CUX1: variants seen among roughly 807,000 people sequenced by gnomAD.
The protein encoded by CUX1 is cut like homeobox 1, also known as protein CASP.
A neutral mutation model predicts 158.8 loss-of-function variants in CUX1; 31 were observed. The observed-to-expected ratio is 0.20, with a 90% CI of 0.15 to 0.26. The LOEUF (loss-of-function observed/expected upper bound fraction) is 0.26. CUX1 is among the 10% of genes least tolerant of loss of function. The pLI is 1.00. For missense variants in CUX1, 1,589 were observed against 2,014.6 expected (o/e 0.79, Z 4.04); for synonymous variants, 879 against 862.1 (o/e 1.02, Z -0.34).
chr7:101,870,921 A>G (rs1182998127), intron 1 of CUX1, among the ~76,000 whole-genome samples: 1 of 152,208 alleles, frequency 6.6e-6, no homozygotes, highest in Admixed American at 6.5e-5. Flanking sequence ...TTCCACGCAC[A>G]TGTCAGTTTC....
chr7:101,931,414 A>G (rs1344154538), intron 2 of CUX1, among the ~76,000 whole-genome samples: 1 of 152,204 alleles, frequency 6.6e-6, no homozygotes, highest in African/African-American at 2.4e-5. Flanking sequence ...CTGCATATCC[A>G]GTACTATTCT....
exon 21 of CUX1, chr7:102,281,841 G>A: frequency 6.2e-7 from 1 of 1,611,258 alleles, no homozygotes; most frequent in Non-Finnish European, 8.5e-7. Flanking sequence ...TGCTCCCAGG[G>A]GCGTCTGGTT....
At chr7:101,838,216 G>A (rs904071073) in intron 1 of CUX1, among the ~76,000 whole-genome samples, 1 of 150,652 alleles carries the variant, frequency 6.6e-6, no homozygotes, top group African/African-American at 2.4e-5. Context: ...TGCAACCTAC[G>A]CCTCCTGGAT....
chr7:102,179,580 C>T (rs782130688), intron 11 of CUX1, among the ~76,000 whole-genome samples: 26 of 152,242 alleles, frequency 1.7e-4, no homozygotes, highest in Admixed American at 8.5e-4. Flanking sequence ...GCACTCTTGG[C>T]TTTTCCATAA....
intron 3 of CUX1, among the ~76,000 whole-genome samples, chr7:102,036,116 G>A (rs1177386839): frequency 6.6e-6 from 1 of 151,970 alleles, no homozygotes; most frequent in Non-Finnish European, 1.5e-5. Flanking sequence ...ACAGGCGCCT[G>A]CCACCACACC....
At chr7:101,972,221 C>T (rs777113203) in intron 2 of CUX1, among the ~76,000 whole-genome samples, 9 of 152,236 alleles carry the variant, frequency 5.9e-5, no homozygotes, top group Non-Finnish European at 1.0e-4. Flanking sequence ...CTGCCTCCGC[C>T]TCCCAAAGTG....
intron 15 of CUX1, chr7:102,274,205 G>C (rs1315744664): frequency 6.3e-7 from 1 of 1,587,382 alleles, no homozygotes; most frequent in African/African-American, 1.3e-5. Flanking sequence ...CGTGCCCATT[G>C]TGCGGAGGCA....
intron 13 of CUX1, among the ~76,000 whole-genome samples, chr7:102,195,206 A>C (rs1794666371): frequency 6.6e-6 from 1 of 151,998 alleles, no homozygotes; most frequent in Non-Finnish European, 1.5e-5. Context: ...CAAATGAGGC[A>C]CGGGCTCAGG....
At chr7:101,975,425 C>T (rs1337915356) in intron 2 of CUX1, among the ~76,000 whole-genome samples, 5 of 151,768 alleles carry the variant, frequency 3.3e-5, no homozygotes. Context: ...GGCATGGTGG[C>T]ATGTGCTTGT....
At chr7:102,151,753 A>C (rs924076983) in intron 8 of CUX1, among the ~76,000 whole-genome samples, 8 of 149,204 alleles carry the variant, frequency 5.4e-5, no homozygotes, top group East Asian at 3.9e-4. Flanking sequence ...AAAAAAAAAA[A>C]AAAAACCTGG....
Position 102,255,987 on chromosome 7 carries a change from G to A in CUX1, c.*6945G>A, listed in dbSNP as rs1348514831. The stretch of plus-strand genomic sequence containing the variant: ...CTCAAAGTAAGCTTTAGACCAGGAC[G>A]ATTCAGGTTATGAATGAGTTTGTTC... On this transcript the variant is annotated 3_prime_UTR_variant, in exon 24 of 24. Coordinates refer to ENST00000292535, the MANE Select transcript of CUX1 (RefSeq NM_181552.4). The A allele has an allele frequency of 2.8e-5, 28 of 985,316 alleles. No individual in the cohort carries two copies. Among genetic ancestry groups the A allele is most frequent in the African/African-American group, 3.5e-5 (2 of 57,220 alleles). 61.0% of individuals were successfully genotyped at this position (985,316 alleles called of 1,614,324 possible).
At chr7:101,821,377 C>T (rs773029512) in intron 1 of CUX1, among the ~76,000 whole-genome samples, 49 of 147,936 alleles carry the variant, frequency 3.3e-4, no homozygotes, top group Non-Finnish European at 6.2e-4. Flanking sequence ...CTCGCTCTTT[C>T]GCCCAGGCCG....
chr7:101,857,207 T>C (rs956737007), intron 1 of CUX1, among the ~76,000 whole-genome samples: 2 of 152,226 alleles, frequency 1.3e-5, no homozygotes, highest in Admixed American at 6.5e-5. Context: ...GCTTATCTGA[T>C]TGGGGGCTGT....
At chr7:102,236,582 A>G (rs367966516) in intron 22 of CUX1, among the ~76,000 whole-genome samples, 5 of 152,134 alleles carry the variant, frequency 3.3e-5, no homozygotes, top group African/African-American at 1.2e-4. Flanking sequence ...GGCCTTTTCA[A>G]TGTCTTATTA....
chr7:102,083,070 A>G (rs1827609859), intron 4 of CUX1, among the ~76,000 whole-genome samples: 1 of 147,068 alleles, frequency 6.8e-6, no homozygotes, highest in South Asian at 2.2e-4. Context: ...TCTTTTCCTC[A>G]GGATAGCAAA....
intron 1 of CUX1, among the ~76,000 whole-genome samples, chr7:101,895,073 T>G (rs1469333607): frequency 6.6e-6 from 1 of 152,086 alleles, no homozygotes; most frequent in Non-Finnish European, 1.5e-5. Context: ...CAGGCTGGAG[T>G]GCAGTGGTGC....
At chr7:102,132,330 A>G (rs1226931662) in intron 8 of CUX1, among the ~76,000 whole-genome samples, 1 of 137,966 alleles carries the variant, frequency 7.2e-6, no homozygotes. Flanking sequence ...CGCGCACGCC[A>G]CGCACACACG....
chr7:101,893,446 A>C (rs4644158), intron 1 of CUX1, among the ~76,000 whole-genome samples: 18,680 of 152,210 alleles, frequency 0.12, 1,238 homozygotes, highest in South Asian at 0.19. Context: ...TGGAAACATC[A>C]GCTCCAGGCT....
intron 2 of CUX1, among the ~76,000 whole-genome samples, chr7:101,918,467 C>T (rs980449461): frequency 6.6e-6 from 1 of 152,244 alleles, no homozygotes; most frequent in Non-Finnish European, 1.5e-5. Flanking sequence ...CTAGAACCCA[C>T]CAGGAAGGGG....
Sources: allele counts gnomAD v4.1 joint callset (sites outside exome capture counted in the v4.1 genomes callset), GRCh38; gene constraint gnomAD v4.1.1; transcripts MANE v1.5; gene names NCBI Gene and HGNC (gene_info 2026-07-23, HGNC 2026-07-21).